The following SERPINB8 variants were observed in gnomAD, a reference collection of about 807,000 sequenced individuals.
SERPINB8 encodes the protein serpin family B member 8.
A neutral mutation model predicts 35.3 loss-of-function variants in SERPINB8; 25 were observed. That is an observed-to-expected ratio of 0.71 (90% CI 0.52 to 0.99). The LOEUF is 0.99. Among genes scored for constraint, SERPINB8 ranks in the 50% least tolerant of loss-of-function variants. SERPINB8 has a pLI of 0.00. For synonymous variants in SERPINB8, 186 were observed against 160.8 expected (o/e 1.16, Z -1.19); for missense variants, 484 against 446.5 (o/e 1.08, Z -0.76).
At chr18:63,993,520 A>G (rs1182364906), downstream of SERPINB8, among the ~76,000 whole-genome samples, 1 of 152,224 alleles carries the variant, frequency 6.6e-6, no homozygotes. Context: ...AAGAATGTAT[A>G]TTCTGCTGTT....
At chr18:63,986,439 A>G in intron 6 of SERPINB8, 2 of 1,433,736 alleles carry the variant, frequency 1.4e-6, no homozygotes, top group South Asian at 1.6e-5. Flanking sequence ...CCTCTGATTT[A>G]ACCCTGAATA....
chr18:63,996,654 C>T (rs1430616967), intron 1 of SERPINB8, among the ~76,000 whole-genome samples: 1 of 152,194 alleles, frequency 6.6e-6, no homozygotes, highest in African/African-American at 2.4e-5. Context: ...TGAACCCAAA[C>T]AAAGACATTG....
chr18:64,017,984 A>C lies in SERPINB8; in HGVS notation c.*3-926A>C, dbSNP rs377044120. 2.6e-5 allele frequency among the ~76,000 whole-genome samples: 4 copies of C among 152,332 alleles called. No individual in the cohort carries two copies. The East Asian group carries it at 7.7e-4, about 29-fold the overall frequency. On this transcript the variant is annotated intron_variant, in intron 7 of 7. Coordinates refer to the SERPINB8 transcript ENST00000636430. The stretch of plus-strand genomic sequence containing the variant: ...TACAAACCATGCTGGTCACAATCAC[A>C]ATTGTCCCAGGTTAGAATTTCTTTC...
downstream of SERPINB8, among the ~76,000 whole-genome samples, chr18:64,009,503 G>T (rs578125547): frequency 6.6e-6 from 1 of 152,194 alleles, no homozygotes; most frequent in Non-Finnish European, 1.5e-5. Context: ...CAGATCAATG[G>T]CACAGAATAG....
intron 1 of SERPINB8, chr18:64,004,762 G>T: frequency 2.5e-6 from 1 of 398,248 alleles, no homozygotes; most frequent in Non-Finnish European, 4.4e-6. Flanking sequence ...TGCTTCTGTT[G>T]TTTAGTGTCA....
chr18:63,998,632 C>A (rs896121959), intron 1 of SERPINB8, among the ~76,000 whole-genome samples: 16 of 152,148 alleles, frequency 1.1e-4, no homozygotes, highest in Non-Finnish European at 2.9e-5. Flanking sequence ...CAGTTGCACA[C>A]CCCTCTTTTA....
chr18:63,991,032 G>T (rs1452744396), downstream of SERPINB8, among the ~76,000 whole-genome samples: 1 of 152,196 alleles, frequency 6.6e-6, no homozygotes, highest in African/African-American at 2.4e-5. Context: ...GTTGATCATG[G>T]ATATGTGGTT....
At position 64,000,991 on chromosome 18, in the gene SERPINB8, T is replaced by C. The variant is rs192513436; in HGVS notation, c.71-3828T>C. On this transcript the variant is annotated intron_variant, in intron 1 of 1. Coordinates refer to the SERPINB8 transcript ENST00000493661. Reference sequence around the variant, plus strand: ...TAGGATTGCTATGTAGGATTTGACCTCCTTTATCATGATGAAATAACCTTC... The same window carrying C: ...TAGGATTGCTATGTAGGATTTGACCCCCTTTATCATGATGAAATAACCTTC... 5.4e-3 allele frequency among the ~76,000 whole-genome samples: 828 copies of C among 152,352 alleles called. 8 individuals carry two copies. The highest frequency in any genetic ancestry group is 0.019 in the African/African-American group (796 of 41,568).
chr18:64,006,640 G>A (rs755604676), downstream of SERPINB8, among the ~76,000 whole-genome samples: 1 of 152,178 alleles, frequency 6.6e-6, no homozygotes, highest in Non-Finnish European at 1.5e-5. Flanking sequence ...AGTCAGAGAC[G>A]ATGGAAGTAG....
At chr18:63,981,027 C>T (rs2050662554) in intron 3 of SERPINB8, among the ~76,000 whole-genome samples, 1 of 152,228 alleles carries the variant, frequency 6.6e-6, no homozygotes, top group South Asian at 2.1e-4. Flanking sequence ...CACACATACA[C>T]ATGTACACAC....
At chr18:64,017,844 A>C (rs2050957773) in intron 7 of SERPINB8, among the ~76,000 whole-genome samples, 1 of 152,220 alleles carries the variant, frequency 6.6e-6, no homozygotes, top group Non-Finnish European at 1.5e-5. Context: ...TCTACTAATC[A>C]TGACTGTGCA....
At chr18:64,014,828 C>T (rs1321215831) in intron 7 of SERPINB8, among the ~76,000 whole-genome samples, 1 of 152,128 alleles carries the variant, frequency 6.6e-6, no homozygotes. Context: ...ACCTGTATAT[C>T]TGGAAGGCAA....
chr18:63,979,517 G>A (rs574652241), intron 2 of SERPINB8, among the ~76,000 whole-genome samples: 1 of 152,190 alleles, frequency 6.6e-6, no homozygotes, highest in South Asian at 2.1e-4. Flanking sequence ...GCGAAGACCT[G>A]GAGTTTTAGA....
At chr18:63,970,793 T>G (rs1173885729) in intron 1 of SERPINB8, among the ~76,000 whole-genome samples, 1 of 150,822 alleles carries the variant, frequency 6.6e-6, no homozygotes, top group Non-Finnish European at 1.5e-5. Flanking sequence ...GTCCCCCCCC[T>G]CCGTTCTTTC....
rs750308970 is a variant in SERPINB8, at chr18:63,981,806, A to G, written c.392A>G (p.His131Arg). 1 of 1,613,404 alleles carries G rather than the reference A, an allele frequency of 6.2e-7. No individual in the cohort carries two copies. Among genetic ancestry groups the G allele is most frequent in the Non-Finnish European group, 8.5e-7 (1 of 1,179,496 alleles). Residue 131 changes from histidine to arginine, a missense_variant, in exon 4 of 7, where the codon CAT (histidine) becomes CGT (arginine). By Grantham distance (29) the His-to-Arg change is conservative (BLOSUM62 0). Coordinates refer to ENST00000397985, the MANE Select transcript of SERPINB8 (RefSeq NM_002640.4). ...GAAGACACTGAAGAGTGCAGGAAGC[A>G]TATAAATGACTGGGTGGCAGAGAAG... is the stretch of plus-strand genomic sequence containing the variant. ...FAEDTEECRK[H>R]INDWVAEKTE...
chr18:63,970,368 G>A (rs1197940488), intron 1 of SERPINB8, 198 bp downstream of exon 1: 1 of 174,362 alleles, frequency 5.7e-6, no homozygotes, highest in African/African-American at 2.4e-5. Flanking sequence ...GGGGCTGTGG[G>A]GGTCGCCCTG....
rs1201463122 is a variant in SERPINB8 at position 63,988,676 on chromosome 18, G to C, written c.*1398G>C. ...AGTGGTTAATCCTGACTCTGTTTTT[G>C]ACTGACAGTTAACAGTTACATGAAC... On this transcript the variant is annotated 3_prime_UTR_variant, in exon 7 of 7. Transcript: ENST00000397985. 6.6e-6 allele frequency: 1 copy of C among 152,104 alleles called. No homozygotes were observed. The highest frequency in any genetic ancestry group is 1.5e-5 in the Non-Finnish European group (1 of 68,020). The allele number at this position is 152,104 out of a possible 1,614,324, so 9.4% of individuals were successfully genotyped here. A position where few individuals can be genotyped will look rare whatever the true frequency, so the allele number is the denominator to read the frequency against.
chr18:63,975,895 C>T (rs979517670), intron 1 of SERPINB8, among the ~76,000 whole-genome samples: 1 of 152,174 alleles, frequency 6.6e-6, no homozygotes, highest in Admixed American at 6.5e-5. Flanking sequence ...CTCTAAGAGA[C>T]CCAGAAGACC....
At chr18:64,005,898 A>G (rs1050418689), downstream of SERPINB8, among the ~76,000 whole-genome samples, 1 of 152,090 alleles carries the variant, frequency 6.6e-6, no homozygotes, top group African/African-American at 2.4e-5. Context: ...TCATATCTTC[A>G]TGGCAGGAGG....
Sources: allele counts gnomAD v4.1 joint callset (sites outside exome capture counted in the v4.1 genomes callset), GRCh38; gene constraint gnomAD v4.1.1; transcripts MANE v1.5; gene names NCBI Gene and HGNC (gene_info 2026-07-23, HGNC 2026-07-21).